HAO1: variants seen among roughly 807,000 people sequenced by gnomAD.
HAO1 encodes hydroxyacid oxidase 1.
Under a neutral mutation model 39.7 loss-of-function variants are expected in HAO1, and 34 were observed. The observed-to-expected ratio is 0.86, with a 90% CI of 0.65 to 1.14. The LOEUF is 1.14. Ranked by LOEUF, HAO1 falls within the 50% of genes most tolerant of loss-of-function variation. The probability of loss-of-function intolerance (pLI) is 0.00; values close to 1 mark genes in which losing one functional copy is unlikely to be tolerated. For missense variants in HAO1, 479 were observed against 464.5 expected (o/e 1.03, Z -0.29); for synonymous variants, 172 against 173.2 (o/e 0.99, Z 0.05).
At chr20:7,938,378 AT>A (rs3830727) in intron 1 of HAO1, among the ~76,000 whole-genome samples, 45,118 of 149,902 alleles carry the variant, frequency 0.3, 7,519 homozygotes, top group East Asian at 0.48. Flanking sequence ...AAGTTGATTG[AT>A]TTTTTTTTTT....
intron 2 of HAO1, among the ~76,000 whole-genome samples, chr20:7,917,991 ACTGCTGGAGTTATTG>A (rs2050314755): frequency 6.6e-6 from 1 of 152,188 alleles, no homozygotes; most frequent in Admixed American, 6.5e-5. Flanking sequence ...GATACAAGTA[ACTGCTGGAGTTATTG>A]CTGCTCAGTG....
At chr20:7,906,697 A>G (rs1381832112) in intron 3 of HAO1, among the ~76,000 whole-genome samples, 1 of 152,234 alleles carries the variant, frequency 6.6e-6, no homozygotes, top group Non-Finnish European at 1.5e-5. Flanking sequence ...TCACAATTTA[A>G]AAAGCATTTT....
chr20:7,914,340 A>C lies in HAO1; in HGVS notation c.369T>G (p.Pro123=). The change falls in exon 3 of 8, where the codon CCT becomes CCG. Residue 123 remains proline (P), a synonymous_variant. Transcript: ENST00000378789. The stretch of plus-strand genomic sequence containing the variant: ...ACAGTTGCAGCCAACGAAGTGCCTC[A>C]GGACCAGCTTCCGCCACTTCTTCAA... The part of the protein sequence containing the change: ...SSIEEVAEAG[P]EALRWLQLYI... The C allele has an allele frequency of 6.2e-7, 1 of 1,614,028 alleles. No homozygotes were observed. The highest frequency in any genetic ancestry group is 8.5e-7 in the Non-Finnish European group (1 of 1,179,968).
intron 3 of HAO1, among the ~76,000 whole-genome samples, chr20:7,908,365 G>T (rs1202894424): frequency 6.6e-6 from 1 of 150,946 alleles, no homozygotes; most frequent in East Asian, 1.9e-4. Flanking sequence ...CTCCAGCCTG[G>T]GTGACAGAGC....
chr20:7,926,863 CT>C (rs34738743), intron 2 of HAO1, among the ~76,000 whole-genome samples: 12,945 of 145,522 alleles, frequency 0.089, 848 homozygotes, highest in East Asian at 0.31. Context: ...TCTTTTAAAA[CT>C]TTTTTTTTTT....
intron 1 of HAO1, among the ~76,000 whole-genome samples, chr20:7,939,115 G>A (rs1236579072): frequency 6.6e-6 from 1 of 152,070 alleles, no homozygotes; most frequent in Non-Finnish European, 1.5e-5. Context: ...TTTTAAATGA[G>A]TCCAAAATAG....
chr20:7,932,146 C>T (rs1356040346), intron 2 of HAO1, among the ~76,000 whole-genome samples: 2 of 152,116 alleles, frequency 1.3e-5, no homozygotes, highest in Non-Finnish European at 2.9e-5. Flanking sequence ...ACTTCTCTCT[C>T]CTGCCACCAT....
At chr20:7,898,410 C>T (rs1163598726) in intron 4 of HAO1, among the ~76,000 whole-genome samples, 2 of 152,110 alleles carry the variant, frequency 1.3e-5, no homozygotes, top group Non-Finnish European at 2.9e-5. Flanking sequence ...GTCCTCTATC[C>T]TCCTTTGCTT....
intron 3 of HAO1, among the ~76,000 whole-genome samples, chr20:7,908,177 G>T (rs545083144): frequency 6.6e-6 from 1 of 152,154 alleles, no homozygotes; most frequent in African/African-American, 2.4e-5. Context: ...ATCACCTGAG[G>T]TCAGGAGTTC....
At chr20:7,884,284 C>T (rs2050141257) in intron 7 of HAO1, among the ~76,000 whole-genome samples, 3 of 152,030 alleles carry the variant, frequency 2.0e-5, no homozygotes, top group Non-Finnish European at 4.4e-5. Context: ...ATACTGCAAT[C>T]AAGACAACAA....
chr20:7,922,390 A>C (rs1600117841), intron 2 of HAO1, among the ~76,000 whole-genome samples: 1 of 152,228 alleles, frequency 6.6e-6, no homozygotes, highest in East Asian at 1.9e-4. Context: ...AGACATTTTG[A>C]AAAACAGTTT....
intron 4 of HAO1, among the ~76,000 whole-genome samples, chr20:7,895,619 T>A (rs1007408835): frequency 1.3e-5 from 2 of 151,096 alleles, no homozygotes; most frequent in African/African-American, 4.8e-5. Context: ...CATAAAAATG[T>A]CAAGCACTGT....
chr20:7,940,349 T>G lies in HAO1; in HGVS notation c.74A>C (p.Asp25Ala). The change falls in exon 1 of 8, where the codon GAC becomes GCC. Residue 25 changes from aspartate (D) to alanine (A), a missense_variant. By Grantham distance (126) the Asp-to-Ala change is moderately radical. Coordinates refer to ENST00000378789, the MANE Select transcript of HAO1 (RefSeq NM_017545.3). ...ATCATTTGCCCCAGACCTGTAATAGTCATATATAGACTTTGGAAGTACTGA... is the reference window on the plus strand; with the variant it reads ...ATCATTTGCCCCAGACCTGTAATAGGCATATATAGACTTTGGAAGTACTGA... ...AKSVLPKSIY[D>A]YYRSGANDEE... The G allele has an allele frequency of 3.7e-6, 6 of 1,611,554 alleles. No homozygotes were observed. Among genetic ancestry groups the G allele is most frequent in the African/African-American group, 1.3e-5 (1 of 74,916 alleles).
intron 4 of HAO1, among the ~76,000 whole-genome samples, chr20:7,905,168 A>G (rs2050241641): frequency 6.6e-6 from 1 of 150,916 alleles, no homozygotes; most frequent in African/African-American, 2.5e-5. Flanking sequence ...GATTTAAAAA[A>G]CTAATTTAAT....
Position 7,888,524 on chromosome 20 carries a change from G to A in HAO1, c.814-2660C>T, listed in dbSNP as rs183014078. Among the ~76,000 whole-genome samples, 5 of 152,196 alleles carry A rather than the reference G, an allele frequency of 3.3e-5. No homozygotes were observed. The East Asian group carries it at 5.8e-4, about 18-fold the overall frequency. On this transcript the variant is annotated intron_variant, in intron 5 of 7. Coordinates refer to ENST00000378789, the MANE Select transcript of HAO1 (RefSeq NM_017545.3). ...TGGAACCAGAGGTGCTTAGTTAAAC[G>A]CAAAAGAGACAGAGTCCAAGTCACT...
chr20:7,909,123 A>C (rs1410372730), intron 3 of HAO1, among the ~76,000 whole-genome samples: 1 of 151,768 alleles, frequency 6.6e-6, no homozygotes, highest in African/African-American at 2.4e-5. Context: ...ACGTGGATAA[A>C]ATTATATAAA....
intron 5 of HAO1, among the ~76,000 whole-genome samples, chr20:7,891,624 T>C (rs1459565112): frequency 6.6e-6 from 1 of 152,214 alleles, no homozygotes; most frequent in Admixed American, 6.5e-5. Flanking sequence ...CCTAAACCAA[T>C]GTCTAAAAGG....
Position 7,914,017 on chromosome 20 carries a change from C to CA in HAO1, c.545+146dup, listed in dbSNP as rs1332012927. The CA allele has an allele frequency of 4.9e-6, 4 of 822,994 alleles. No homozygotes were observed. The African/African-American group carries it at 5.2e-5, about 11-fold the overall frequency. The allele number at this position is 822,994 out of a possible 1,614,324, so 51.0% of individuals were successfully genotyped here. A position where few individuals can be genotyped will look rare whatever the true frequency, so the allele number is the denominator to read the frequency against. ...CCATTTCTGTTTCTATTGTGTATCT[C>CA]AAAAAAAGTGATGTCTACAAAAGGG... On this transcript the variant is annotated intron_variant, in intron 3 of 7. Transcript: ENST00000378789.
rs1338019503 is a variant in HAO1 at position 7,901,030 on chromosome 20, C to T, written c.721+5124G>A. Among the ~76,000 whole-genome samples, 4 of 152,086 alleles carry T rather than the reference C, an allele frequency of 2.6e-5. No homozygotes were observed. The East Asian group carries it at 7.7e-4, about 29-fold the overall frequency. ...AACCAGCCACCATTCTCCCTTAAAC[C>T]AAAGCCTAATCTAGAGCAACACCCT... On this transcript the variant is annotated intron_variant, in intron 4 of 7. Coordinates refer to ENST00000378789, the MANE Select transcript of HAO1 (RefSeq NM_017545.3).
Sources: allele counts gnomAD v4.1 joint callset (sites outside exome capture counted in the v4.1 genomes callset), GRCh38; gene constraint gnomAD v4.1.1; transcripts MANE v1.5; gene names NCBI Gene and HGNC (gene_info 2026-07-23, HGNC 2026-07-21).